The following MKLN1 variants were observed in gnomAD, a reference collection of about 807,000 sequenced individuals.
The protein encoded by MKLN1 is muskelin.
MKLN1 carries 18 observed loss-of-function variants against 99.0 expected under a neutral mutation model. The observed-to-expected ratio is 0.18, with a 90% CI of 0.13 to 0.27. The LOEUF is 0.27. MKLN1 is among the 10% of genes least tolerant of loss of function. The probability of loss-of-function intolerance (pLI) is 1.00; values close to 1 mark genes in which losing one functional copy is unlikely to be tolerated. For missense variants in MKLN1, 621 were observed against 875.9 expected (o/e 0.71, Z 3.67); for synonymous variants, 288 against 293.2 (o/e 0.98, Z 0.18).
chr7:131,446,722 T>A (rs1563353361), intron 12 of MKLN1, among the ~76,000 whole-genome samples: 1 of 152,170 alleles, frequency 6.6e-6, no homozygotes, highest in Non-Finnish European at 1.5e-5. Context: ...ATTTTTAAAT[T>A]AAAATATTTG....
At chr7:131,424,928 C>T (rs1188196825) in intron 8 of MKLN1, among the ~76,000 whole-genome samples, 1 of 152,190 alleles carries the variant, frequency 6.6e-6, no homozygotes, top group Non-Finnish European at 1.5e-5. Context: ...AAGTCTTTAT[C>T]CTGTTATTTA....
At chr7:131,116,564 C>T (rs529636957) in intron 1 of MKLN1, among the ~76,000 whole-genome samples, 2 of 151,796 alleles carry the variant, frequency 1.3e-5, no homozygotes, top group Non-Finnish European at 2.9e-5. Context: ...TTGATGATTA[C>T]TTATTATTAG....
intron 2 of MKLN1, among the ~76,000 whole-genome samples, chr7:131,152,148 C>T (rs1795896921): frequency 6.6e-6 from 1 of 152,126 alleles, no homozygotes; most frequent in South Asian, 2.1e-4. Context: ...CATAGCAAGA[C>T]TTTGCCTCTA....
intron 12 of MKLN1, among the ~76,000 whole-genome samples, chr7:131,453,214 A>T (rs972543582): frequency 6.6e-6 from 1 of 152,236 alleles, no homozygotes; most frequent in African/African-American, 2.4e-5. Flanking sequence ...TAAAGTTCAC[A>T]TGTAAAAACA....
chr7:131,234,032 T>C (rs1797280284), intron 3 of MKLN1, among the ~76,000 whole-genome samples: 1 of 152,136 alleles, frequency 6.6e-6, no homozygotes. Flanking sequence ...CAGGCTAGAG[T>C]GCAAAGGCAT....
chr7:131,268,003 T>G (rs1391139862), intron 3 of MKLN1, among the ~76,000 whole-genome samples: 1 of 152,210 alleles, frequency 6.6e-6, no homozygotes, highest in Non-Finnish European at 1.5e-5. Flanking sequence ...TTACCATGTT[T>G]AACAAAAGAC....
At chr7:131,458,225 A>C (rs371564414) in intron 12 of MKLN1, among the ~76,000 whole-genome samples, 13 of 152,246 alleles carry the variant, frequency 8.5e-5, no homozygotes, top group Non-Finnish European at 1.8e-4. Context: ...AACAACTTTG[A>C]ATCAAGAAAT....
At chr7:131,304,468 TA>T (rs1462881003) in intron 3 of MKLN1, among the ~76,000 whole-genome samples, 2 of 152,254 alleles carry the variant, frequency 1.3e-5, no homozygotes, top group Admixed American at 6.5e-5. Context: ...CCTGGTTGTA[TA>T]AATGACCTTA....
At chr7:131,444,763 AAGTAGTAGTAGT>A (rs60459266) in intron 11 of MKLN1, among the ~76,000 whole-genome samples, 2,913 of 117,908 alleles carry the variant, frequency 0.025, 40 homozygotes, top group Non-Finnish European at 0.032. Flanking sequence ...GTAGTAGAAG[AAGTAGTAGTAGT>A]AGTAGTAGTA....
chr7:131,247,925 G>A (rs997005084), intron 3 of MKLN1, among the ~76,000 whole-genome samples: 1 of 147,262 alleles, frequency 6.8e-6, no homozygotes, highest in African/African-American at 2.5e-5. Flanking sequence ...TTGAGACAGG[G>A]TCTCACTCTG....
At chr7:131,111,249 A>C (rs543208210) in intron 1 of MKLN1, among the ~76,000 whole-genome samples, 1 of 152,178 alleles carries the variant, frequency 6.6e-6, no homozygotes, top group Non-Finnish European at 1.5e-5. Context: ...GCTGCTCTCT[A>C]ATCACCAGCG....
intron 3 of MKLN1, among the ~76,000 whole-genome samples, chr7:131,305,184 A>C (rs1231349315): frequency 2.6e-5 from 4 of 152,138 alleles, no homozygotes; most frequent in Non-Finnish European, 5.9e-5. Context: ...TTTGTTATAG[A>C]AGCATGAACA....
intron 3 of MKLN1, among the ~76,000 whole-genome samples, chr7:131,253,454 C>A (rs1441783587): frequency 6.6e-6 from 1 of 152,152 alleles, no homozygotes; most frequent in African/African-American, 2.4e-5. Flanking sequence ...AAGCCCCTAC[C>A]TATAGGGCAG....
At chr7:131,183,677 T>G (rs1796406987) in intron 2 of MKLN1, among the ~76,000 whole-genome samples, 1 of 152,198 alleles carries the variant, frequency 6.6e-6, no homozygotes, top group South Asian at 2.1e-4. Context: ...TGCAGGTGCC[T>G]GAGAATAGTG....
chr7:131,262,462 C>T (rs1185029518), intron 3 of MKLN1, among the ~76,000 whole-genome samples: 2 of 152,058 alleles, frequency 1.3e-5, no homozygotes, highest in Non-Finnish European at 2.9e-5. Flanking sequence ...GAATAACTCC[C>T]CACTACCCCC....
At chr7:131,206,195 A>AT (rs1435247761) in intron 3 of MKLN1, among the ~76,000 whole-genome samples, 1 of 152,120 alleles carries the variant, frequency 6.6e-6, no homozygotes, top group Non-Finnish European at 1.5e-5. Flanking sequence ...TCAAAAAACT[A>AT]TTTTTTTAAA....
chr7:131,321,615 C>T (rs544388054), intron 3 of MKLN1, among the ~76,000 whole-genome samples: 2 of 152,250 alleles, frequency 1.3e-5, no homozygotes, highest in South Asian at 4.1e-4. Flanking sequence ...TTTCAAATCT[C>T]TCATTATCAA....
rs199926350 is a variant in MKLN1, at chr7:131,248,069, CATTTATTATTTATTT to C, written c.-179+45103_-179+45117del. ...ATGTGCCACCACACTCAGCTAATTA[CATTTATTATTTATTT>C]ATTTATTTATTTATTTATTTTTGTA... On this transcript the variant is annotated intron_variant, in intron 3 of 7. Transcript: ENST00000416992. Among the ~76,000 whole-genome samples the C allele has an allele frequency of 1.1e-4, 14 of 129,392 alleles. No homozygotes were observed. The East Asian group carries it at 2.4e-3, about 22-fold the overall frequency. 84.9% of individuals were successfully genotyped at this position (129,392 alleles called of 152,430 possible).
rs190239804 is a variant in MKLN1, at chr7:131,272,716, T to C, written c.-179+69742T>C. Among the ~76,000 whole-genome samples, 5 of 152,256 alleles carry C rather than the reference T, an allele frequency of 3.3e-5. No individual in the cohort carries two copies. In the South Asian group the frequency reaches 8.3e-4, roughly 25 times the overall value. On this transcript the variant is annotated intron_variant, in intron 3 of 7. Transcript: ENST00000416992. The stretch of plus-strand genomic sequence containing the variant: ...TGGGAGGTGAAAGGCACTTCTTACA[T>C]GGTGGTAGCAAGAGAAAAATGAGGA...
Sources: gnomAD v4.1 joint callset for allele counts (sites outside exome capture counted in the v4.1 genomes callset) on GRCh38, gnomAD v4.1.1 for gene constraint, MANE v1.5 for transcripts, NCBI Gene and HGNC (gene_info 2026-07-23, HGNC 2026-07-21) for gene names.